The following STX7 variants were observed in gnomAD, a reference collection of about 807,000 sequenced individuals.
The protein encoded by STX7 is syntaxin 7.
In STX7, 34 loss-of-function variants were observed where a neutral mutation model predicts 39.6. The ratio of observed to expected loss-of-function variants is 0.86; its 90% CI spans 0.65 to 1.14. The LOEUF (loss-of-function observed/expected upper bound fraction) is 1.14. Among genes scored for constraint, STX7 ranks in the 50% most tolerant of loss-of-function variants. The pLI is 0.00. For missense variants in STX7, 284 were observed against 310.4 expected (o/e 0.92, Z 0.64); for synonymous variants, 119 against 99.1 (o/e 1.20, Z -1.19).
intron 5 of STX7, among the ~76,000 whole-genome samples, chr6:132,470,830 ATAAG>A (rs1252454428): frequency 6.6e-6 from 1 of 152,062 alleles, no homozygotes; most frequent in African/African-American, 2.4e-5. Flanking sequence ...TAATATAATT[ATAAG>A]TAATTTTATA....
chr6:132,506,297 A>G, intron 1 of STX7, among the ~76,000 whole-genome samples: 1 of 152,114 alleles, frequency 6.6e-6, no homozygotes, highest in South Asian at 2.1e-4. Flanking sequence ...GAAATAATAA[A>G]CAGAATGAAC....
At chr6:132,496,358 A>T (rs945292265) in intron 2 of STX7, among the ~76,000 whole-genome samples, 1 of 152,148 alleles carries the variant, frequency 6.6e-6, no homozygotes, top group African/African-American at 2.4e-5. Context: ...TATCTCAAGG[A>T]CTGTGTTTCA....
rs1411594157 is a variant in STX7 at position 132,454,749 on chromosome 6, AAT to A, written c.*6007_*6008del. The A allele has an allele frequency of 7.9e-5, 12 of 152,180 alleles. No individual in the cohort carries two copies. The highest frequency in any genetic ancestry group is 2.9e-4 in the African/African-American group (12 of 41,462). 9.4% of individuals were successfully genotyped at this position (152,180 alleles called of 1,614,324 possible). ...AGGGTAGCCCTAATTTTGAACAAAAAATGTTTGTTTATTGCCTCCAAGATAGA... is the reference window on the plus strand; with the variant it reads ...AGGGTAGCCCTAATTTTGAACAAAAAGTTTGTTTATTGCCTCCAAGATAGA... On this transcript the variant is annotated 3_prime_UTR_variant, in exon 10 of 10. Transcript: ENST00000367941.
At chr6:132,487,985 C>T (rs985520030) in intron 2 of STX7, among the ~76,000 whole-genome samples, 12 of 152,088 alleles carry the variant, frequency 7.9e-5, no homozygotes, top group South Asian at 2.1e-4. Flanking sequence ...TGAAAACTGA[C>T]GTCATGATTT....
chr6:132,481,213 G>T (rs1226288803), intron 2 of STX7, among the ~76,000 whole-genome samples: 1 of 152,066 alleles, frequency 6.6e-6, no homozygotes, highest in East Asian at 1.9e-4. Context: ...AAACAAAAGG[G>T]ATAAATTATA....
At chr6:132,474,313 A>G (rs969380266) in intron 3 of STX7, among the ~76,000 whole-genome samples, 2 of 151,706 alleles carry the variant, frequency 1.3e-5, no homozygotes. Context: ...AAATATTAGA[A>G]CTTTTATGAA....
chr6:132,502,923 A>AT (rs1775612711), intron 2 of STX7, among the ~76,000 whole-genome samples: 1 of 152,024 alleles, frequency 6.6e-6, no homozygotes, highest in South Asian at 2.1e-4. Flanking sequence ...TATGTGGGGA[A>AT]TGCAGGTCTG....
rs1174952064 is a variant in STX7 at position 132,457,076 on chromosome 6, A to T, written c.*3682T>A. ...GCACGCCAACAGCACAGCCTTCTGG[A>T]TGTTCTCAAGAGTCACAGCAGTGCC... On this transcript the variant is annotated 3_prime_UTR_variant, in exon 10 of 10. Coordinates refer to ENST00000367941, the MANE Select transcript of STX7 (RefSeq NM_003569.3). The T allele has an allele frequency of 1.3e-5, 2 of 152,312 alleles. No individual in the cohort carries two copies. The highest frequency in any genetic ancestry group is 2.9e-5 in the Non-Finnish European group (2 of 68,112). 9.4% of individuals were successfully genotyped at this position (152,312 alleles called of 1,614,324 possible). A position where few individuals can be genotyped will look rare whatever the true frequency, so the allele number is the denominator to read the frequency against.
At chr6:132,472,512 C>CAAAAAAAAAA in intron 3 of STX7, 137 bp from the exon 4 acceptor site, 1 of 553,470 alleles carries the variant, frequency 1.8e-6, no homozygotes, top group Non-Finnish European at 3.1e-6. Context: ...CTTTCTCTAT[C>CAAAAAAAAAA]AAAAAAAATT....
intron 8 of STX7, among the ~76,000 whole-genome samples, chr6:132,466,343 C>G (rs1774563544): frequency 6.6e-6 from 1 of 152,020 alleles, no homozygotes; most frequent in Non-Finnish European, 1.5e-5. Context: ...ACTGGCTATT[C>G]CTTAGTCTTT....
At chr6:132,468,573 G>A in intron 7 of STX7, 98 bp from the exon 8 acceptor site, 2 of 735,624 alleles carry the variant, frequency 2.7e-6, no homozygotes, top group East Asian at 2.7e-5. Context: ...TCACACATGG[G>A]TGAGCATGCA....
At chr6:132,473,533 T>TTC (rs59587141) in intron 3 of STX7, among the ~76,000 whole-genome samples, 5 of 150,468 alleles carry the variant, frequency 3.3e-5, no homozygotes, top group African/African-American at 4.9e-5. Flanking sequence ...TTTTTTTTTT[T>TTC]CTTGAATATT....
chr6:132,475,807 G>A, intron 2 of STX7, 145 bp from the exon 3 acceptor site: 1 of 447,594 alleles, frequency 2.2e-6, no homozygotes, highest in Non-Finnish European at 3.8e-6. Context: ...CTGGAAAAAA[G>A]AATAACTAAA....
At chr6:132,481,517 T>C (rs1775015456) in intron 2 of STX7, among the ~76,000 whole-genome samples, 2 of 152,222 alleles carry the variant, frequency 1.3e-5, no homozygotes, top group Non-Finnish European at 2.9e-5. Flanking sequence ...TTATAGATAC[T>C]GAAATTTCTT....
intron 2 of STX7, among the ~76,000 whole-genome samples, chr6:132,489,227 G>GAAAAAAAAAA (rs1775218386): frequency 2.4e-5 from 2 of 82,544 alleles, no homozygotes; most frequent in African/African-American, 1.2e-4. Context: ...AAAAAAAAAG[G>GAAAAAAAAAA]ATGATATATA....
Position 132,457,233 on chromosome 6 carries a change from G to C in STX7, c.*3525C>G, listed in dbSNP as rs1406894380. 6.6e-6 allele frequency: 1 copy of C among 152,186 alleles called. No homozygotes were observed. Among genetic ancestry groups the C allele is most frequent in the Non-Finnish European group, 1.5e-5 (1 of 68,028 alleles). The allele number at this position is 152,186 out of a possible 1,614,324, so 9.4% of individuals were successfully genotyped here. On this transcript the variant is annotated 3_prime_UTR_variant, in exon 10 of 10. Coordinates refer to ENST00000367941, the MANE Select transcript of STX7 (RefSeq NM_003569.3). ...TCAAGTGGTTTCTGTTTTTCTAACT[G>C]AATTGTTAAAATATGCAAAATTCAC...
In STX7 at chr6:132,509,458, ATAACATAACATAACATAACATAACATAAC is replaced by A. The variant is rs1775786737; in HGVS notation, c.-59+3520_-59+3548del. ...AGAGCGAGACTCGTCTCAAAATAAC[ATAACATAACATAACATAACATAACATAAC>A]ATAACATAACATAACATAACATAAC... is the stretch of plus-strand genomic sequence containing the variant. On this transcript the variant is annotated intron_variant, in intron 1 of 9. Coordinates refer to ENST00000367941, the MANE Select transcript of STX7 (RefSeq NM_003569.3). 7.1e-3 allele frequency among the ~76,000 whole-genome samples: 920 copies of A among 128,876 alleles called. 95 individuals are homozygous for A. Among genetic ancestry groups the A allele is most frequent in the African/African-American group, 9.5e-3 (304 of 32,074 alleles). 84.5% of individuals were successfully genotyped at this position (128,876 alleles called of 152,430 possible). A position where few individuals can be genotyped will look rare whatever the true frequency, so the allele number is the denominator to read the frequency against.
chr6:132,471,115 A>C (rs184530749), intron 5 of STX7, among the ~76,000 whole-genome samples: 2 of 152,300 alleles, frequency 1.3e-5, no homozygotes, highest in Non-Finnish European at 2.9e-5. Context: ...ATCCAGGAGG[A>C]AAGTGCTTTC....
intron 2 of STX7, among the ~76,000 whole-genome samples, chr6:132,490,375 G>A (rs1368943062): frequency 6.6e-6 from 1 of 152,164 alleles, no homozygotes; most frequent in Non-Finnish European, 1.5e-5. Context: ...ACACATGCTG[G>A]CAGCTGTTTC....
Sources: gnomAD v4.1 joint callset for allele counts (sites outside exome capture counted in the v4.1 genomes callset) on GRCh38, gnomAD v4.1.1 for gene constraint, MANE v1.5 for transcripts, NCBI Gene and HGNC (gene_info 2026-07-23, HGNC 2026-07-21) for gene names.